Variants in ARHGEF12 observed in about 807,000 individuals in gnomAD.
ARHGEF12 encodes Rho guanine nucleotide exchange factor 12.
A neutral mutation model predicts 211.2 loss-of-function variants in ARHGEF12; 66 were observed. That is an observed-to-expected ratio of 0.31 (90% CI 0.26 to 0.38). ARHGEF12 has a LOEUF of 0.38. ARHGEF12 is among the 10% of genes least tolerant of loss of function. ARHGEF12 has a pLI of 1.00. For synonymous variants in ARHGEF12, 592 were observed against 638.4 expected (o/e 0.93, Z 1.09); for missense variants, 1,429 against 1,869.5 (o/e 0.76, Z 4.34).
In ARHGEF12 at chr11:120,467,212, C is replaced by T. The variant is rs750548728; in HGVS notation, c.2758C>T (p.Leu920=). 6.8e-6 allele frequency: 11 copies of T among 1,611,072 alleles called. No individual in the cohort carries two copies. The highest frequency in any genetic ancestry group is 3.3e-5 in the South Asian group (3 of 90,560). Residue 920 remains leucine, a synonymous_variant, in exon 29 of 41, where the codon CTG becomes TTG. Coordinates refer to ENST00000397843, the MANE Select transcript of ARHGEF12 (RefSeq NM_015313.3). ...ATTTTAGGATGCTGAAAGTAATCCA[C>T]TGTGTCGTCGTCTTCAACTGAAGGA... ...TFVQDAESNP[L]CRRLQLKDII...
chr11:120,417,592 G>A (rs1211340251), intron 4 of ARHGEF12, among the ~76,000 whole-genome samples: 1 of 145,332 alleles, frequency 6.9e-6, no homozygotes, highest in African/African-American at 2.6e-5. Flanking sequence ...TCGGCTCACT[G>A]CAACCTCCAG....
intron 36 of ARHGEF12, 37 bp downstream of exon 36, chr11:120,477,563 C>G: frequency 6.4e-7 from 1 of 1,573,332 alleles, no homozygotes; most frequent in Non-Finnish European, 8.7e-7. Flanking sequence ...AGAATGTGCT[C>G]TATTATCTGT....
At chr11:120,450,059 C>G (rs1419650329) in intron 21 of ARHGEF12, 2 of 152,262 alleles carry the variant, frequency 1.3e-5, no homozygotes, top group South Asian at 2.1e-4. Context: ...TGGTTCTTAT[C>G]TCAGGCAGTA....
intron 1 of ARHGEF12, among the ~76,000 whole-genome samples, chr11:120,404,117 G>C (rs986571088): frequency 6.6e-6 from 1 of 152,132 alleles, no homozygotes; most frequent in Non-Finnish European, 1.5e-5. Flanking sequence ...TTTCCTTGGT[G>C]TTTTACATTT....
In ARHGEF12 at chr11:120,447,891, T is replaced by C. The variant is rs199680129; in HGVS notation, c.1607T>C (p.Val536Ala). 1.1e-5 allele frequency: 18 copies of C among 1,569,794 alleles called. 1 individual carries two copies. Among genetic ancestry groups the C allele is most frequent in the South Asian group, 1.1e-4 (9 of 83,230 alleles). The change falls in exon 19 of 41, where the codon GTA (valine) becomes GCA (alanine). Residue 536 changes from valine to alanine, a missense_variant. Coordinates refer to ENST00000397843, the MANE Select transcript of ARHGEF12 (RefSeq NM_015313.3). ...TTTTTAAGGATGACTGCTCAGGCTG[T>C]AGAGGAAGATAAGAGGTAACATAAC... ...IEEVLMTAQA[V>A]EEDKSSTMQY...
Position 120,446,463 on chromosome 11 carries a change from A to G in ARHGEF12, c.1406A>G (p.Gln469Arg), listed in dbSNP as rs1257026576. The G allele has an allele frequency of 1.2e-6, 2 of 1,613,418 alleles. No homozygotes were observed. The highest frequency in any genetic ancestry group is 1.7e-5 in the Admixed American group (1 of 59,986). Residue 469 changes from glutamine to arginine, a missense_variant, in exon 17 of 41, where the codon CAA (glutamine) becomes CGA (arginine). Physicochemically the swap from Gln to Arg is conservative, Grantham distance 43 (BLOSUM62 1). This residue lies in a region of ARHGEF12 where 373 missense variants were observed against 467.5 expected (regional missense o/e 0.80). Coordinates refer to ENST00000397843, the MANE Select transcript of ARHGEF12 (RefSeq NM_015313.3). ...DLHRHYIQTM[Q>R]ERVHPEVQRH... ...CATCGCCACTATATCCAAACTATGC[A>G]AGAAAGAGTCCATCCAGAAGTTCAA...
rs188535016 is a variant in ARHGEF12 at position 120,393,337 on chromosome 11, A to G, written c.33-12781A>G. On this transcript the variant is annotated intron_variant, in intron 1 of 40. Coordinates refer to ENST00000397843, the MANE Select transcript of ARHGEF12 (RefSeq NM_015313.3). ...AGATGATAGACTTAAATACATTAGT[A>G]ATCACACTAAAGGTAAATGGTCCAA... Among the ~76,000 whole-genome samples the G allele has an allele frequency of 3.9e-5, 6 of 152,346 alleles. No individual in the cohort carries two copies. In the East Asian group the frequency reaches 1.2e-3, roughly 29 times the overall value.
intron 1 of ARHGEF12, among the ~76,000 whole-genome samples, chr11:120,394,375 T>TA (rs1397659096): frequency 2.0e-5 from 3 of 151,866 alleles, no homozygotes; most frequent in African/African-American, 7.2e-5. Flanking sequence ...TAATTTTTTT[T>TA]AGTAGAGATG....
chr11:120,364,686 A>C (rs1039742717), intron 1 of ARHGEF12, among the ~76,000 whole-genome samples: 1 of 152,238 alleles, frequency 6.6e-6, no homozygotes, highest in Non-Finnish European at 1.5e-5. Context: ...GACATTTTCA[A>C]GTAAACCTTA....
chr11:120,349,918 G>A (rs1010277723), intron 1 of ARHGEF12, among the ~76,000 whole-genome samples: 9 of 152,108 alleles, frequency 5.9e-5, no homozygotes, highest in African/African-American at 1.9e-4. Flanking sequence ...AATTAAATGC[G>A]TTTGCGAGTG....
intron 10 of ARHGEF12, 26 bp from the exon 11 acceptor site, chr11:120,431,745 G>T (rs202033486): frequency 2.6e-6 from 4 of 1,547,856 alleles, no homozygotes; most frequent in Non-Finnish European, 3.5e-6. Context: ...GTTTGTGTGC[G>T]CGTGTTTTTC....
Position 120,448,399 on chromosome 11 carries a change from A to G in ARHGEF12, c.1737+51A>G, listed in dbSNP as rs370742332. ...TGTTCAGGCCTTAGGGCTTCTTTAC[A>G]TTTGGTTGCAGTGTCTTCCATCATC... On this transcript the variant is annotated intron_variant, in intron 20 of 40. Coordinates refer to ENST00000397843, the MANE Select transcript of ARHGEF12 (RefSeq NM_015313.3). The G allele has an allele frequency of 1.4e-5, 20 of 1,412,624 alleles. No homozygotes were observed. The South Asian group carries it at 1.4e-4, about 10-fold the overall frequency. The allele number at this position is 1,412,624 out of a possible 1,614,324, so 87.5% of individuals were successfully genotyped here.
At chr11:120,436,925 C>A (rs1565480524) in intron 11 of ARHGEF12, among the ~76,000 whole-genome samples, 2 of 151,976 alleles carry the variant, frequency 1.3e-5, no homozygotes, top group Non-Finnish European at 2.9e-5. Context: ...ATAAGTAGGG[C>A]AAAATGCTTT....
intron 21 of ARHGEF12, 33 bp from the exon 22 acceptor site, chr11:120,451,479 A>G: frequency 6.2e-7 from 1 of 1,609,688 alleles, no homozygotes. Context: ...ACCCAGCCGC[A>G]ATACAGATTA....
intron 1 of ARHGEF12, among the ~76,000 whole-genome samples, chr11:120,372,150 CAAGGGAACATTAGAT>C (rs1244400365): frequency 6.6e-6 from 1 of 152,084 alleles, no homozygotes; most frequent in Non-Finnish European, 1.5e-5. Flanking sequence ...TTGAAACTTC[CAAGGGAACATTAGAT>C]AAAGTAATAG....
At chr11:120,417,138 G>A (rs1452542097) in intron 4 of ARHGEF12, among the ~76,000 whole-genome samples, 2 of 152,034 alleles carry the variant, frequency 1.3e-5, no homozygotes, top group African/African-American at 2.4e-5. Context: ...AGTGAGAGGT[G>A]CAAACATAGC....
chr11:120,348,114 G>A (rs1028707414), intron 1 of ARHGEF12, among the ~76,000 whole-genome samples: 1 of 152,038 alleles, frequency 6.6e-6, no homozygotes, highest in Non-Finnish European at 1.5e-5. Flanking sequence ...TCATTTCAGA[G>A]TCCATGTAGG....
chr11:120,461,042 C>T (rs1591622769), intron 27 of ARHGEF12, among the ~76,000 whole-genome samples: 1 of 152,206 alleles, frequency 6.6e-6, no homozygotes, highest in Non-Finnish European at 1.5e-5. Context: ...ACCTCTTCCA[C>T]TGAAGTCTTG....
Position 120,459,168 on chromosome 11 carries a change from G to C in ARHGEF12, c.2381-6G>C. 6.2e-7 allele frequency: 1 copy of C among 1,603,342 alleles called. No homozygotes were observed. Among genetic ancestry groups the C allele is most frequent in the Non-Finnish European group, 8.5e-7 (1 of 1,175,312 alleles). On this transcript the variant is annotated splice_region_variant and splice_polypyrimidine_tract_variant and intron_variant, in intron 25 of 40. Coordinates refer to ENST00000397843, the MANE Select transcript of ARHGEF12 (RefSeq NM_015313.3). ...AGGCAACATTTCATATCTCTTTCCT[G>C]TTCAGAATTGTTCTACACTGAAAGA...
Sources: allele counts gnomAD v4.1 joint callset (sites outside exome capture counted in the v4.1 genomes callset), GRCh38; gene constraint gnomAD v4.1.1; regional missense constraint gnomAD v4.1.1; transcripts MANE v1.5; gene names NCBI Gene and HGNC (gene_info 2026-07-23, HGNC 2026-07-21).